The following SND1 variants were observed in gnomAD, a reference collection of about 807,000 sequenced individuals.
The protein encoded by SND1 is staphylococcal nuclease domain-containing protein 1.
A neutral mutation model predicts 121.7 loss-of-function variants in SND1; 38 were observed. The observed-to-expected ratio is 0.31, with a 90% CI of 0.24 to 0.41. SND1 has a LOEUF of 0.41. Ranked by LOEUF, SND1 falls within the 10% of genes least tolerant of loss-of-function variation. The pLI, the probability that SND1 is intolerant of heterozygous loss-of-function variation, is 1.00. For synonymous variants in SND1, 401 were observed against 447.4 expected (o/e 0.90, Z 1.31); for missense variants, 868 against 1,184.6 (o/e 0.73, Z 3.92).
At chr7:127,697,124 G>A (rs568302910) in intron 3 of SND1, among the ~76,000 whole-genome samples, 6 of 152,230 alleles carry the variant, frequency 3.9e-5, no homozygotes, top group African/African-American at 1.4e-4. Context: ...TTGAAGAGAT[G>A]ATTAGTTTTC....
chr7:127,694,022 C>T (rs1795967109), intron 2 of SND1, among the ~76,000 whole-genome samples: 1 of 152,128 alleles, frequency 6.6e-6, no homozygotes, highest in African/African-American at 2.4e-5. Context: ...GCTCAGTCCT[C>T]GTGTCTGTGC....
chr7:128,045,069 G>T (rs1473817411), intron 16 of SND1, among the ~76,000 whole-genome samples: 2 of 152,154 alleles, frequency 1.3e-5, no homozygotes, highest in Non-Finnish European at 2.9e-5. Flanking sequence ...GAAACTAGAG[G>T]CAGATACGAG....
At chr7:127,757,418 C>T (rs1328869653) in intron 10 of SND1, among the ~76,000 whole-genome samples, 5 of 152,092 alleles carry the variant, frequency 3.3e-5, no homozygotes, top group East Asian at 1.9e-4. Context: ...TGCGCACATT[C>T]GTTTGTTTGT....
rs140587402 is a variant in SND1, at chr7:127,991,446, T to C, written c.1779+390T>C. On this transcript the variant is annotated intron_variant, in intron 16 of 23. Coordinates refer to ENST00000354725, the MANE Select transcript of SND1 (RefSeq NM_014390.4). ...AACATTTATTTGTATCTTTGAGTAATTGTATTTTCTGTAGCGGGTTTTCTG... is the reference window on the plus strand; with the variant it reads ...AACATTTATTTGTATCTTTGAGTAACTGTATTTTCTGTAGCGGGTTTTCTG... Among the ~76,000 whole-genome samples the C allele has an allele frequency of 4.6e-3, 694 of 152,364 alleles. 8 individuals are homozygous for C. The highest frequency in any genetic ancestry group is 0.016 in the African/African-American group (657 of 41,586).
intron 1 of SND1, chr7:127,679,077 G>T (rs1795662521): frequency 6.6e-6 from 1 of 152,150 alleles, no homozygotes; most frequent in Non-Finnish European, 1.5e-5. Context: ...GACTTTCCTG[G>T]TTCTCCTTTC....
intron 12 of SND1, among the ~76,000 whole-genome samples, chr7:127,870,469 T>A (rs1799563815): frequency 6.6e-6 from 1 of 152,194 alleles, no homozygotes. Flanking sequence ...TGCAGTGTAC[T>A]CACAGGAACC....
At chr7:127,923,448 T>C (rs940023323) in intron 14 of SND1, among the ~76,000 whole-genome samples, 7 of 152,232 alleles carry the variant, frequency 4.6e-5, no homozygotes, top group African/African-American at 1.4e-4. Context: ...AAAGCATTGA[T>C]AACCAGCCAG....
chr7:127,967,822 G>A lies in SND1; in HGVS notation c.1670-23125G>A, dbSNP rs148893583. On this transcript the variant is annotated intron_variant, in intron 15 of 23. Coordinates refer to ENST00000354725, the MANE Select transcript of SND1 (RefSeq NM_014390.4). ...GAGGTCATTAGCTCTCTCATCACCA[G>A]TGTGGCCACCTTTAAGCCCTGGCTC... is the stretch of plus-strand genomic sequence containing the variant. Among the ~76,000 whole-genome samples the A allele has an allele frequency of 9.4e-4, 143 of 152,310 alleles. 1 individual carries two copies. The highest frequency in any genetic ancestry group is 3.4e-3 in the Middle Eastern group (1 of 294).
intron 16 of SND1, among the ~76,000 whole-genome samples, chr7:128,049,193 C>G (rs569168034): frequency 6.6e-6 from 1 of 152,338 alleles, no homozygotes; most frequent in African/African-American, 2.4e-5. Context: ...CTCTTCCCAA[C>G]TCAGCCTGAA....
chr7:128,022,866 A>T (rs1410942018), intron 16 of SND1, among the ~76,000 whole-genome samples: 1 of 152,170 alleles, frequency 6.6e-6, no homozygotes, highest in African/African-American at 2.4e-5. Flanking sequence ...TGTTGTGGGT[A>T]GGTGGTTTGG....
At chr7:128,020,995 A>C (rs1051489520) in intron 16 of SND1, among the ~76,000 whole-genome samples, 2 of 152,106 alleles carry the variant, frequency 1.3e-5, no homozygotes, top group Admixed American at 1.3e-4. Context: ...CTAATGAAAA[A>C]AATAGTCTTC....
At chr7:127,897,251 A>G (rs1176829056) in intron 13 of SND1, among the ~76,000 whole-genome samples, 1 of 152,146 alleles carries the variant, frequency 6.6e-6, no homozygotes, top group African/African-American at 2.4e-5. Flanking sequence ...GGCTATGGCA[A>G]TGAATTTTTT....
At chr7:127,776,577 A>G (rs1201396849) in intron 10 of SND1, among the ~76,000 whole-genome samples, 1 of 152,266 alleles carries the variant, frequency 6.6e-6, no homozygotes, top group South Asian at 2.1e-4. Flanking sequence ...CCAATAAAAT[A>G]GTTCCTCTTA....
At chr7:127,660,654 A>G (rs182716877) in intron 1 of SND1, among the ~76,000 whole-genome samples, 2 of 152,190 alleles carry the variant, frequency 1.3e-5, no homozygotes, top group African/African-American at 4.8e-5. Flanking sequence ...TTTGAGCATT[A>G]TGTTAGTGTT....
intron 16 of SND1, among the ~76,000 whole-genome samples, chr7:128,016,144 CCTT>C (rs1803219949): frequency 4.1e-5 from 5 of 122,992 alleles, no homozygotes; most frequent in Admixed American, 8.0e-5. Flanking sequence ...GGAACAACTT[CCTT>C]TTTTTTTTTT....
At position 127,698,964 on chromosome 7, in the gene SND1, A is replaced by G; in HGVS notation, c.428+11A>G. The G allele has an allele frequency of 1.2e-6, 2 of 1,606,138 alleles. No individual in the cohort carries two copies. Among genetic ancestry groups the G allele is most frequent in the South Asian group, 2.2e-5 (2 of 90,834 alleles). On this transcript the variant is annotated intron_variant, in intron 4 of 23. Transcript: ENST00000354725. Reference sequence around the variant, plus strand: ...CATGAGAGCTAATAAGTAAGTATTCATTACTCCGCTGTCTCTCTGACAGCG... The same window carrying G: ...CATGAGAGCTAATAAGTAAGTATTCGTTACTCCGCTGTCTCTCTGACAGCG...
intron 10 of SND1, among the ~76,000 whole-genome samples, chr7:127,778,178 C>CTTATTTATTTATTTATTTATTTATTTAT (rs143038031): frequency 9.6e-4 from 141 of 146,880 alleles, no homozygotes; most frequent in East Asian, 5.3e-3. Flanking sequence ...TTATTTGTGT[C>CTTATTTATTTATTTATTTATTTATTTAT]TTATTTATTT....
chr7:128,034,292 C>A (rs1436204009), intron 16 of SND1, among the ~76,000 whole-genome samples: 1 of 152,150 alleles, frequency 6.6e-6, no homozygotes, highest in African/African-American at 2.4e-5. Flanking sequence ...GAACTCTCAT[C>A]AAGAAAAAGA....
At chr7:128,020,330 G>C (rs1803317883) in intron 16 of SND1, among the ~76,000 whole-genome samples, 1 of 152,202 alleles carries the variant, frequency 6.6e-6, no homozygotes, top group African/African-American at 2.4e-5. Context: ...ACTCCAGGGG[G>C]CACTAATCAC....
Sources: allele counts gnomAD v4.1 joint callset (sites outside exome capture counted in the v4.1 genomes callset), GRCh38; gene constraint gnomAD v4.1.1; transcripts MANE v1.5; gene names NCBI Gene and HGNC (gene_info 2026-07-23, HGNC 2026-07-21).